The following EFNA5 variants were observed in gnomAD, a reference collection of about 807,000 sequenced individuals.
EFNA5 encodes ephrin A5.
A neutral mutation model predicts 22.9 loss-of-function variants in EFNA5; 5 were observed. That is an observed-to-expected ratio of 0.22 (90% CI 0.11 to 0.46). The LOEUF (loss-of-function observed/expected upper bound fraction) is 0.46, where lower values mean the gene tolerates loss of function less well. Among genes scored for constraint, EFNA5 ranks in the 20% least tolerant of loss-of-function variants. The pLI is 0.99. For synonymous variants in EFNA5, 113 were observed against 112.2 expected, an observed-to-expected ratio of 1.01 and a Z score of -0.04; for missense variants, 237 against 293.3, an observed-to-expected ratio of 0.81 and a Z score of 1.40.
chr5:107,418,464 G>C (rs1481144707), intron 2 of EFNA5, among the ~76,000 whole-genome samples: 2 of 152,152 alleles, frequency 1.3e-5, no homozygotes, highest in African/African-American at 4.8e-5. Flanking sequence ...AGGATAAAAA[G>C]AACAATCCTT....
chr5:107,390,028 C>G (rs997343671), intron 2 of EFNA5, among the ~76,000 whole-genome samples: 11 of 152,126 alleles, frequency 7.2e-5, no homozygotes, highest in Admixed American at 2.6e-4. Context: ...AGATTGCATG[C>G]CATGGATTCA....
chr5:107,430,537 GA>G (rs200463352), intron 1 of EFNA5, among the ~76,000 whole-genome samples: 3 of 149,232 alleles, frequency 2.0e-5, no homozygotes, highest in Non-Finnish European at 3.0e-5. Flanking sequence ...TTCCACAACT[GA>G]AAAAAAAATG....
intron 1 of EFNA5, among the ~76,000 whole-genome samples, chr5:107,488,836 C>T (rs1363156598): frequency 6.6e-6 from 1 of 152,060 alleles, no homozygotes; most frequent in East Asian, 1.9e-4. Flanking sequence ...GGATTACAGG[C>T]GAGTGCCACG....
intron 1 of EFNA5, among the ~76,000 whole-genome samples, chr5:107,641,229 G>A (rs556129440): frequency 1.1e-4 from 16 of 151,976 alleles, no homozygotes; most frequent in South Asian, 4.2e-4. Context: ...ATGGTGGTAC[G>A]TGCCTGTAGT....
rs914370871 is a variant in EFNA5 at position 107,479,488 on chromosome 5, T to C, written c.126-51979A>G. Among the ~76,000 whole-genome samples the C allele has an allele frequency of 5.3e-5, 8 of 152,090 alleles. No individual in the cohort carries two copies. In the South Asian group the frequency reaches 8.3e-4, roughly 16 times the overall value. On this transcript the variant is annotated intron_variant, in intron 1 of 4. Transcript: ENST00000333274. ...AAAAAAAAACAACCTAAATTATAGC[T>C]ATCCTTATTCAGGCCAACAAGTGAT... is the stretch of plus-strand genomic sequence containing the variant.
chr5:107,480,815 A>C (rs925502571), intron 1 of EFNA5, among the ~76,000 whole-genome samples: 2 of 152,208 alleles, frequency 1.3e-5, no homozygotes, highest in African/African-American at 2.4e-5. Context: ...AGGCAAGTGG[A>C]AGGAACGAGC....
chr5:107,381,164 A>G lies in EFNA5; in HGVS notation c.*91T>C. On this transcript the variant is annotated 3_prime_UTR_variant, in exon 5 of 5. Transcript: ENST00000333274. Reference sequence around the variant, plus strand: ...ATCTGACATCTGCCAAAACCCAATAACAAGTCCCTTCTTAGGATGAGCAGT... The same window carrying G: ...ATCTGACATCTGCCAAAACCCAATAGCAAGTCCCTTCTTAGGATGAGCAGT... 6.7e-7 allele frequency: 1 copy of G among 1,485,880 alleles called. No individual in the cohort carries two copies. The highest frequency in any genetic ancestry group is 2.3e-5 in the East Asian group (1 of 42,722). 92.0% of individuals were successfully genotyped at this position (1,485,880 alleles called of 1,614,324 possible).
At chr5:107,638,592 C>G (rs1236780015) in intron 1 of EFNA5, among the ~76,000 whole-genome samples, 1 of 152,110 alleles carries the variant, frequency 6.6e-6, no homozygotes, top group Non-Finnish European at 1.5e-5. Flanking sequence ...TACATAGCAT[C>G]TATGTTGTAT....
intron 1 of EFNA5, among the ~76,000 whole-genome samples, chr5:107,605,972 T>A (rs1252701058): frequency 1.3e-5 from 2 of 152,130 alleles, no homozygotes; most frequent in African/African-American, 4.8e-5. Flanking sequence ...CTGTATAATA[T>A]CACTCAGGTC....
At position 107,653,805 on chromosome 5, in the gene EFNA5, A is replaced by G. The variant is rs1410226825; in HGVS notation, c.125+16684T>C. ...TCTTAAAACTCCATATTCAGGCTGC[A>G]GTGCAAATCTACTTAATGTGACCCA... On this transcript the variant is annotated intron_variant, in intron 1 of 4. Coordinates refer to ENST00000333274, the MANE Select transcript of EFNA5 (RefSeq NM_001962.3). Among the ~76,000 whole-genome samples, 7 of 138,536 alleles carry G rather than the reference A, an allele frequency of 5.1e-5. 1 individual carries two copies. Among genetic ancestry groups the G allele is most frequent in the Non-Finnish European group, 8.8e-5 (6 of 67,924 alleles). The allele number at this position is 138,536 out of a possible 152,430, so 90.9% of individuals were successfully genotyped here. A position where few individuals can be genotyped will look rare whatever the true frequency, so the allele number is the denominator to read the frequency against.
chr5:107,465,707 T>C (rs1242236047), intron 1 of EFNA5, among the ~76,000 whole-genome samples: 2 of 152,136 alleles, frequency 1.3e-5, no homozygotes, highest in African/African-American at 4.8e-5. Context: ...CTTTGTTCAA[T>C]CTCTGGCTAG....
intron 1 of EFNA5, among the ~76,000 whole-genome samples, chr5:107,606,809 T>C (rs62355649): frequency 1.0e-3 from 157 of 152,330 alleles, no homozygotes; most frequent in Admixed American, 2.0e-3. Context: ...TCTGATATCC[T>C]TTAAATACAG....
chr5:107,585,509 C>T (rs1749166499), intron 1 of EFNA5, among the ~76,000 whole-genome samples: 2 of 152,016 alleles, frequency 1.3e-5, no homozygotes, highest in Admixed American at 1.3e-4. Context: ...CAATATTAGG[C>T]CATATAGAGA....
intron 2 of EFNA5, among the ~76,000 whole-genome samples, chr5:107,401,690 CTATA>C (rs1424600354): frequency 6.6e-6 from 1 of 152,118 alleles, no homozygotes; most frequent in Non-Finnish European, 1.5e-5. Flanking sequence ...TCTTTTCACT[CTATA>C]TATTGGGGAA....
chr5:107,467,718 G>A lies in EFNA5; in HGVS notation c.126-40209C>T, dbSNP rs142129813. Among the ~76,000 whole-genome samples, 4 of 152,226 alleles carry A rather than the reference G, an allele frequency of 2.6e-5. No individual in the cohort carries two copies. In the East Asian group the frequency reaches 7.8e-4, roughly 30 times the overall value. On this transcript the variant is annotated intron_variant, in intron 1 of 4. Transcript: ENST00000333274. ...AAGTAAAATATAAGAGTCAGAGTCA[G>A]CAGGAAAAGCCAGCTCTGAGTGCTA... is the stretch of plus-strand genomic sequence containing the variant.
intron 2 of EFNA5, among the ~76,000 whole-genome samples, chr5:107,392,683 T>C (rs1249639133): frequency 6.6e-6 from 1 of 152,232 alleles, no homozygotes; most frequent in Non-Finnish European, 1.5e-5. Context: ...GATACAATGC[T>C]GTACACTAAC....
intron 1 of EFNA5, among the ~76,000 whole-genome samples, chr5:107,428,937 A>C (rs1014917011): frequency 2.6e-5 from 4 of 152,178 alleles, no homozygotes; most frequent in African/African-American, 9.7e-5. Context: ...TGTCAGCTAT[A>C]TCTCTCTATA....
chr5:107,509,842 C>T (rs2112432957), intron 1 of EFNA5, among the ~76,000 whole-genome samples: 1 of 152,260 alleles, frequency 6.6e-6, no homozygotes, highest in Middle Eastern at 3.4e-3. Context: ...TTGAATGGCA[C>T]ATAATGGACA....
At position 107,381,238 on chromosome 5, in the gene EFNA5, G is replaced by A; in HGVS notation, c.*17C>T. On this transcript the variant is annotated 3_prime_UTR_variant, in exon 5 of 5. Transcript: ENST00000333274. ...GACCCTGATGTTTTCTGTGACAAGT[G>A]ATGGGAGGAGACTGTGCTATAATGT... 1 of 1,609,246 alleles carries A rather than the reference G, an allele frequency of 6.2e-7. No homozygotes were observed. The highest frequency in any genetic ancestry group is 8.5e-7 in the Non-Finnish European group (1 of 1,176,072).
Sources: allele counts gnomAD v4.1 joint callset (sites outside exome capture counted in the v4.1 genomes callset), GRCh38; gene constraint gnomAD v4.1.1; transcripts MANE v1.5; gene names NCBI Gene and HGNC (gene_info 2026-07-23, HGNC 2026-07-21).